DNAH9: variants seen among roughly 807,000 people sequenced by gnomAD.
DNAH9 encodes DNAH9 variant protein.
In DNAH9, 345 loss-of-function variants were observed where a neutral mutation model predicts 471.6. That is an observed-to-expected ratio of 0.73 (90% CI 0.67 to 0.80). DNAH9 has a LOEUF of 0.80. Ranked by LOEUF, DNAH9 falls within the 30% of genes least tolerant of loss-of-function variation. The probability of loss-of-function intolerance (pLI) is 0.00; values close to 1 mark genes in which losing one functional copy is unlikely to be tolerated. For synonymous variants in DNAH9, 2,093 were observed against 2,123.6 expected (o/e 0.99, Z 0.40); for missense variants, 5,407 against 5,609.2 (o/e 0.96, Z 1.15).
intron 61 of DNAH9, among the ~76,000 whole-genome samples, chr17:11,907,271 G>C (rs2151016907): frequency 6.6e-6 from 1 of 152,250 alleles, no homozygotes; most frequent in East Asian, 1.9e-4. Context: ...AGGAGTTCGA[G>C]ACTAGCCTGA....
intron 67 of DNAH9, among the ~76,000 whole-genome samples, chr17:11,960,731 C>T (rs1976068259): frequency 6.6e-6 from 1 of 151,948 alleles, no homozygotes. Context: ...TGCACTCCCG[C>T]CTGGGTGACA....
chr17:11,818,196 C>T (rs188494129), intron 45 of DNAH9, among the ~76,000 whole-genome samples: 3 of 152,206 alleles, frequency 2.0e-5, no homozygotes, highest in East Asian at 3.9e-4. Flanking sequence ...TTTGGGAGGC[C>T]GAGGCAGGCG....
chr17:11,765,129 T>C (rs1177040264), intron 36 of DNAH9, among the ~76,000 whole-genome samples: 2 of 152,134 alleles, frequency 1.3e-5, no homozygotes, highest in East Asian at 3.9e-4. Flanking sequence ...CCTAGGAGGG[T>C]GGCGAGGACT....
chr17:11,946,030 C>T (rs1334096901), intron 67 of DNAH9, among the ~76,000 whole-genome samples: 1 of 151,848 alleles, frequency 6.6e-6, no homozygotes, highest in East Asian at 1.9e-4. Context: ...GAAACCTCAT[C>T]TCTACTAAAA....
intron 14 of DNAH9, among the ~76,000 whole-genome samples, 164 bp downstream of exon 14, chr17:11,653,166 G>A (rs533271987): frequency 8.5e-4 from 129 of 152,316 alleles, no homozygotes; most frequent in African/African-American, 2.8e-3. Context: ...GATAGACTGG[G>A]CAAATGAAAA....
intron 23 of DNAH9, among the ~76,000 whole-genome samples, chr17:11,700,147 T>G (rs1348513874): frequency 1.3e-5 from 2 of 152,150 alleles, no homozygotes; most frequent in African/African-American, 4.8e-5. Flanking sequence ...AAAATGCACA[T>G]AAACAGCTAC....
At chr17:11,878,512 A>T (rs1972595422) in intron 53 of DNAH9, among the ~76,000 whole-genome samples, 1 of 152,098 alleles carries the variant, frequency 6.6e-6, no homozygotes, top group Admixed American at 6.6e-5. Context: ...AAGAATTTTT[A>T]AAATATTCAC....
chr17:11,931,897 C>A, intron 63 of DNAH9, 117 bp from the exon 64 acceptor site: 1 of 1,261,074 alleles, frequency 7.9e-7, no homozygotes, highest in Non-Finnish European at 1.1e-6. Context: ...TAACTCAAAC[C>A]CAAACCAGAA....
rs1470350720 is a variant in DNAH9 at position 11,680,075 on chromosome 17, GC to G, written c.3576+97del. ...TGGGGTACAGCAAATGAAAAACAGG[GC>G]TTGGAGCTGCAAGATCCGTGTTTTG... is the stretch of plus-strand genomic sequence containing the variant. On this transcript the variant is annotated intron_variant, in intron 18 of 68. Coordinates refer to ENST00000262442, the MANE Select transcript of DNAH9 (RefSeq NM_001372.4). 6 of 913,404 alleles carry G rather than the reference GC, an allele frequency of 6.6e-6. No individual in the cohort carries two copies. The African/African-American group carries it at 1.0e-4, about 15-fold the overall frequency. 56.6% of individuals were successfully genotyped at this position (913,404 alleles called of 1,614,324 possible). A position where few individuals can be genotyped will look rare whatever the true frequency, so the allele number is the denominator to read the frequency against.
intron 49 of DNAH9, among the ~76,000 whole-genome samples, chr17:11,843,644 C>T (rs564414932): frequency 5.2e-4 from 79 of 151,358 alleles, no homozygotes; most frequent in Non-Finnish European, 8.1e-4. Flanking sequence ...CAATAACCTA[C>T]ATGTTCAATA....
intron 9 of DNAH9, 136 bp from the exon 10 acceptor site, chr17:11,640,134 A>C (rs2073242663): frequency 1.3e-5 from 8 of 637,892 alleles, no homozygotes; most frequent in Middle Eastern, 4.4e-4. Flanking sequence ...CCCCCCAGGA[A>C]CTCCAGTGTG....
Position 11,704,433 on chromosome 17 carries a change from T to G in DNAH9, c.5382T>G (p.Ile1794Met), listed in dbSNP as rs1364346627. The change falls in exon 25 of 69, where the codon ATT (isoleucine) becomes ATG (methionine). Residue 1794 changes from isoleucine to methionine, a missense_variant. Around this residue, in one of 3 missense-constraint regions of DNAH9, gnomAD observed 4,636 missense variants for 4,900.3 expected, o/e 0.95. Transcript: ENST00000262442. ...VHARDVVAKMIAQKVDNAQAF... is the reference protein window; with the variant it reads ...VHARDVVAKMMAQKVDNAQAF... ...CCCGGGATGTGGTAGCCAAGATGAT[T>G]GCTCAGAAGGTGGGTCCCAAACATC... The G allele has an allele frequency of 6.2e-7, 1 of 1,612,908 alleles. No individual in the cohort carries two copies. The highest frequency in any genetic ancestry group is 2.2e-5 in the East Asian group (1 of 44,872).
chr17:11,610,455 G>A lies in DNAH9; in HGVS notation c.674G>A (p.Ser225Asn). 6.2e-7 allele frequency: 1 copy of A among 1,613,704 alleles called. No individual in the cohort carries two copies. Among genetic ancestry groups the A allele is most frequent in the East Asian group, 2.2e-5 (1 of 44,868 alleles). The stretch of plus-strand genomic sequence containing the variant: ...ATTGAGTCTGCAGTGATCAAATGGA[G>A]CTACCAAGTCCAGGTGGTACTCAAG... ...YAIESAVIKWSYQVQVVLKRE... is the reference protein window; with the variant it reads ...YAIESAVIKWNYQVQVVLKRE... Residue 225 changes from serine to asparagine, a missense_variant, in exon 3 of 69, where the codon AGC becomes AAC. By Grantham distance (46) the Ser-to-Asn change is conservative. Transcript: ENST00000262442.
chr17:11,847,951 G>C (rs1364173787), intron 49 of DNAH9, among the ~76,000 whole-genome samples: 5 of 151,910 alleles, frequency 3.3e-5, no homozygotes, highest in Non-Finnish European at 7.4e-5. Flanking sequence ...CTCGTGTAGG[G>C]CTCCTTCTCC....
At chr17:11,687,241 A>T (rs1181320874) in intron 19 of DNAH9, among the ~76,000 whole-genome samples, 7 of 152,180 alleles carry the variant, frequency 4.6e-5, no homozygotes, top group Non-Finnish European at 8.8e-5. Flanking sequence ...TTAAGATGTA[A>T]ATCTACAACC....
At chr17:11,792,919 GTAA>G (rs1969113169) in intron 41 of DNAH9, among the ~76,000 whole-genome samples, 1 of 152,148 alleles carries the variant, frequency 6.6e-6, no homozygotes, top group African/African-American at 2.4e-5. Flanking sequence ...AATGGATTTA[GTAA>G]TAATTATTTC....
Position 11,869,183 on chromosome 17 carries a change from C to G in DNAH9, c.9983C>G (p.Thr3328Arg). The G allele has an allele frequency of 1.2e-6, 2 of 1,613,796 alleles. No homozygotes were observed. Among genetic ancestry groups the G allele is most frequent in the Admixed American group, 1.7e-5 (1 of 59,990 alleles). The change falls in exon 51 of 69, where the codon ACA (threonine) becomes AGA (arginine). Residue 3328 changes from threonine to arginine, a missense_variant. Physicochemically the swap from Thr to Arg is moderately conservative, Grantham distance 71 (BLOSUM62 -1). This residue lies in a region of DNAH9 where 4,636 missense variants were observed against 4,900.3 expected (regional missense o/e 0.95). Transcript: ENST00000262442. ...CTCACAGCCAGGTTTGAGAAAGCAA[C>G]AGCAGACAAACTCAAATGTCAGCAA... ...AKLTARFEKA[T>R]ADKLKCQQEA...
rs140004345 is a variant in DNAH9 at position 11,784,410 on chromosome 17, G to A, written c.7932G>A (p.Leu2644=). The part of the protein sequence containing the change: ...HLKLGNFPAS[L]QKSIPPLIDL... ...AGCTCGGAAACTTCCCGGCGTCCCT[G>A]CAGAAATCCATCCCCCCACTGATCG... The change falls in exon 41 of 69, where the codon CTG becomes CTA. Residue 2644 remains leucine (L), a synonymous_variant. Transcript: ENST00000262442. 38 of 1,614,130 alleles carry A rather than the reference G, an allele frequency of 2.4e-5. No homozygotes were observed. The African/African-American group carries it at 4.5e-4, about 19-fold the overall frequency.
intron 50 of DNAH9, among the ~76,000 whole-genome samples, chr17:11,860,859 CCAGAACACTGA>C (rs1039531932): frequency 2.2e-4 from 34 of 152,238 alleles, no homozygotes; most frequent in African/African-American, 6.5e-4. Flanking sequence ...CTGCGCCCTG[CCAGAACACTGA>C]ATGTTTTATG....
Sources: gnomAD v4.1 joint callset for allele counts (sites outside exome capture counted in the v4.1 genomes callset) on GRCh38, gnomAD v4.1.1 for gene constraint, gnomAD v4.1.1 regional missense constraint, MANE v1.5 for transcripts, NCBI Gene and HGNC (gene_info 2026-07-23, HGNC 2026-07-21) for gene names.